The following PDILT variants were observed in gnomAD, a reference collection of about 807,000 sequenced individuals.
PDILT encodes the protein protein disulfide isomerase like, testis expressed.
Under a neutral mutation model 53.7 loss-of-function variants are expected in PDILT, and 43 were observed. The observed-to-expected ratio is 0.80, with a 90% CI of 0.63 to 1.03. The LOEUF is 1.03. PDILT is among the 50% of genes least tolerant of loss of function. PDILT has a pLI of 0.00. For missense variants in PDILT, 727 were observed against 712.3 expected (o/e 1.02, Z -0.24); for synonymous variants, 282 against 274.2 (o/e 1.03, Z -0.28).
chr16:20,384,573 C>T, intron 3 of PDILT, 72 bp downstream of exon 3: 1 of 1,575,312 alleles, frequency 6.3e-7, no homozygotes. Flanking sequence ...CAGAGCCTCC[C>T]ACCTTTACCC....
chr16:20,402,147 A>G (rs1239789195), intron 1 of PDILT, among the ~76,000 whole-genome samples: 2 of 152,252 alleles, frequency 1.3e-5, no homozygotes, highest in Non-Finnish European at 2.9e-5. Context: ...CTAGGGATAC[A>G]AACAATATTC....
intron 3 of PDILT, among the ~76,000 whole-genome samples, chr16:20,380,240 C>A (rs1041126168): frequency 3.9e-5 from 6 of 152,194 alleles, no homozygotes; most frequent in Non-Finnish European, 8.8e-5. Context: ...GCAGTGCCTT[C>A]TTCTGCCTGT....
At chr16:20,362,672 TGTG>T in intron 9 of PDILT, 90 bp from the exon 10 acceptor site, 1 of 1,295,912 alleles carries the variant, frequency 7.7e-7, no homozygotes, top group Non-Finnish European at 1.1e-6. Context: ...GTGTTCCACT[TGTG>T]GTCCTGCTGT....
At chr16:20,369,320 G>C (rs1966265501) in intron 8 of PDILT, among the ~76,000 whole-genome samples, 172 bp downstream of exon 8, 1 of 152,220 alleles carries the variant, frequency 6.6e-6, no homozygotes, top group African/African-American at 2.4e-5. Context: ...GGATAGGTCA[G>C]AAGTTGGATA....
chr16:20,372,005 A>T (rs1025987196), intron 7 of PDILT, among the ~76,000 whole-genome samples: 1 of 152,118 alleles, frequency 6.6e-6, no homozygotes, highest in African/African-American at 2.4e-5. Flanking sequence ...TTAATTTCAG[A>T]TTAATTTTTT....
chr16:20,395,418 G>A (rs1012983644), intron 2 of PDILT, among the ~76,000 whole-genome samples: 5 of 152,118 alleles, frequency 3.3e-5, no homozygotes, highest in Non-Finnish European at 7.4e-5. Context: ...TAGCTGGAAC[G>A]TGCAGTGCAA....
At chr16:20,382,786 G>A (rs750762510) in intron 3 of PDILT, among the ~76,000 whole-genome samples, 33 of 152,134 alleles carry the variant, frequency 2.2e-4, no homozygotes, top group Admixed American at 7.2e-4. Flanking sequence ...ACTGAGATTC[G>A]ACGAGCGGCA....
At chr16:20,382,613 ATATTGGGG>A (rs1966476113) in intron 3 of PDILT, among the ~76,000 whole-genome samples, 1 of 152,148 alleles carries the variant, frequency 6.6e-6, no homozygotes, top group Admixed American at 6.5e-5. Context: ...AGCACCTCTT[ATATTGGGG>A]TGTTATGACA....
intron 7 of PDILT, 56 bp from the exon 8 acceptor site, chr16:20,369,745 C>T: frequency 1.3e-6 from 2 of 1,572,276 alleles, no homozygotes; most frequent in Non-Finnish European, 1.7e-6. Context: ...TGGAGAAAAA[C>T]TGCTGAAAGG....
intron 3 of PDILT, among the ~76,000 whole-genome samples, chr16:20,381,198 C>G (rs547862550): frequency 2.0e-5 from 3 of 152,338 alleles, no homozygotes; most frequent in Admixed American, 2.0e-4. Context: ...GGGGCTTTGA[C>G]CCTGCAAGGA....
At chr16:20,370,616 G>A (rs1435095744) in intron 7 of PDILT, among the ~76,000 whole-genome samples, 5 of 152,176 alleles carry the variant, frequency 3.3e-5, no homozygotes, top group Admixed American at 1.3e-4. Flanking sequence ...TTAAACCAGA[G>A]CAACTTCATC....
chr16:20,373,911 T>A (rs1410583273), intron 5 of PDILT, among the ~76,000 whole-genome samples: 1 of 152,196 alleles, frequency 6.6e-6, no homozygotes, highest in Admixed American at 6.6e-5. Flanking sequence ...TCAATTTAAC[T>A]TGTTTTAAGT....
chr16:20,373,418 A>T (rs971229941), intron 5 of PDILT, among the ~76,000 whole-genome samples: 9 of 152,192 alleles, frequency 5.9e-5, no homozygotes, highest in African/African-American at 2.2e-4. Flanking sequence ...AAATATTAAA[A>T]TATCTGTGCC....
intron 2 of PDILT, among the ~76,000 whole-genome samples, chr16:20,389,495 G>A (rs1304213081): frequency 6.6e-6 from 1 of 152,164 alleles, no homozygotes; most frequent in Non-Finnish European, 1.5e-5. Context: ...CCATGGCAAT[G>A]TCAGGAACCC....
intron 2 of PDILT, among the ~76,000 whole-genome samples, chr16:20,389,647 A>G (rs11646919): frequency 0.15 from 23,280 of 152,136 alleles, 2,281 homozygotes; most frequent in African/African-American, 0.28. Flanking sequence ...AGAATAGGCA[A>G]TGGCTCCCTG....
At chr16:20,403,150 G>A (rs1481167474) in intron 1 of PDILT, among the ~76,000 whole-genome samples, 1 of 152,188 alleles carries the variant, frequency 6.6e-6, no homozygotes, top group East Asian at 1.9e-4. Flanking sequence ...CCTGTATGCC[G>A]TGGAGAGACC....
chr16:20,399,034 C>A, intron 2 of PDILT, 65 bp downstream of exon 2: 3 of 1,560,940 alleles, frequency 1.9e-6, no homozygotes, highest in South Asian at 1.1e-5. Context: ...CTCTTCTGGT[C>A]CCCACACACA....
intron 1 of PDILT, among the ~76,000 whole-genome samples, chr16:20,401,102 C>T (rs930646379): frequency 6.6e-6 from 1 of 152,156 alleles, no homozygotes; most frequent in Non-Finnish European, 1.5e-5. Context: ...GGAAGAAGGG[C>T]AAGTGGATAA....
chr16:20,399,343 A>C (rs1966702005), intron 1 of PDILT, 36 bp from the exon 2 acceptor site: 4 of 1,604,300 alleles, frequency 2.5e-6, no homozygotes, highest in Non-Finnish European at 3.4e-6. Context: ...GACCTTATCA[A>C]CACAGGTGGT....
Sources: allele counts gnomAD v4.1 joint callset (sites outside exome capture counted in the v4.1 genomes callset), GRCh38; gene constraint gnomAD v4.1.1; transcripts MANE v1.5; gene names NCBI Gene and HGNC (gene_info 2026-07-23, HGNC 2026-07-21).